Variants in NINL observed in about 807,000 individuals in gnomAD.
NINL encodes the protein ninein-like protein.
NINL carries 153 observed loss-of-function variants against 160.3 expected under a neutral mutation model. The observed-to-expected ratio is 0.95, with a 90% CI of 0.84 to 1.09. The LOEUF (loss-of-function observed/expected upper bound fraction) is 1.09, where lower values mean the gene tolerates loss of function less well. Ranked by LOEUF, NINL falls within the 50% of genes least tolerant of loss-of-function variation. The pLI, the probability that NINL is intolerant of heterozygous loss-of-function variation, is 0.00. For synonymous variants in NINL, 800 were observed against 734.8 expected (o/e 1.09, Z -1.43); for missense variants, 1,829 against 1,764.0 (o/e 1.04, Z -0.66).
chr20:25,478,910 A>C lies in NINL; in HGVS notation c.2201+13T>G. ...AACCCCAGACTTGAAATCTCAAAAG[A>C]AGCTGGCTGGACCTGATCTGCTGCA... is the stretch of plus-strand genomic sequence containing the variant. On this transcript the variant is annotated intron_variant, in intron 16 of 23. Transcript: ENST00000278886. The C allele has an allele frequency of 6.7e-7, 1 of 1,495,688 alleles. No individual in the cohort carries two copies. The highest frequency in any genetic ancestry group is 8.9e-7 in the Non-Finnish European group (1 of 1,126,686). The allele number at this position is 1,495,688 out of a possible 1,614,324, so 92.7% of individuals were successfully genotyped here. A position where few individuals can be genotyped will look rare whatever the true frequency, so the allele number is the denominator to read the frequency against.
intron 10 of NINL, among the ~76,000 whole-genome samples, chr20:25,492,583 C>G (rs2063664084): frequency 6.6e-6 from 1 of 152,062 alleles, no homozygotes; most frequent in Admixed American, 6.6e-5. Flanking sequence ...TCCCGAGTAG[C>G]TGGGACTACA....
At chr20:25,515,741 T>A (rs183075977) in intron 3 of NINL, among the ~76,000 whole-genome samples, 3 of 151,822 alleles carry the variant, frequency 2.0e-5, no homozygotes, top group Admixed American at 1.3e-4. Context: ...TCTCATGAGA[T>A]CTGGTTATTT....
chr20:25,460,933 T>C (rs2062769972), intron 21 of NINL, among the ~76,000 whole-genome samples: 1 of 152,156 alleles, frequency 6.6e-6, no homozygotes, highest in African/African-American at 2.4e-5. Context: ...GTTACACACC[T>C]GCTCTTCTCC....
At chr20:25,570,614 T>C (rs570992085) in intron 1 of NINL, among the ~76,000 whole-genome samples, 1 of 151,730 alleles carries the variant, frequency 6.6e-6, no homozygotes, top group African/African-American at 2.4e-5. Context: ...TATTTCTTTA[T>C]AGCAGTGCGA....
rs558688280 is a variant in NINL, at chr20:25,491,239, A to C, written c.1485+112T>G. 761 of 1,320,750 alleles carry C rather than the reference A, an allele frequency of 5.8e-4. 2 individuals are homozygous for C. Among genetic ancestry groups the C allele is most frequent in the Non-Finnish European group, 7.4e-4 (718 of 971,920 alleles). 81.8% of individuals were successfully genotyped at this position (1,320,750 alleles called of 1,614,324 possible). A position where few individuals can be genotyped will look rare whatever the true frequency, so the allele number is the denominator to read the frequency against. ...TCCCTCGGGCCCTGCCCTGAAACAT[A>C]AGCTTGAGGGCACTGGCAGGTGTGG... On this transcript the variant is annotated intron_variant, in intron 11 of 23. Transcript: ENST00000278886.
rs912846960 is a variant in NINL, at chr20:25,559,808, T to G, written c.-12+25647A>C. On this transcript the variant is annotated intron_variant, in intron 1 of 23. Transcript: ENST00000278886. ...TTTTTGTAAAGATGGGATCTCACTG[T>G]GTTGCCCATGCTGGTCTCAAACTCC... Among the ~76,000 whole-genome samples the G allele has an allele frequency of 4.6e-5, 7 of 152,200 alleles. 1 individual carries two copies.
intron 2 of NINL, among the ~76,000 whole-genome samples, chr20:25,521,960 A>G (rs1285526939): frequency 6.6e-6 from 1 of 152,124 alleles, no homozygotes; most frequent in Non-Finnish European, 1.5e-5. Flanking sequence ...ACAAGATCTC[A>G]CTCAGGCTCA....
At position 25,480,254 on chromosome 20, in the gene NINL, C is replaced by G; in HGVS notation, c.1824G>C (p.Leu608=). Reference sequence around the variant, plus strand: ...CTATACTCACTGGAGCAGAATTACCCAGGAATGAAATGCCTGCAAACAAGA... The same window carrying G: ...CTATACTCACTGGAGCAGAATTACCGAGGAATGAAATGCCTGCAAACAAGA... ...PGLGPAGISF[L]GNSAPVSIET... Residue 608 remains leucine, a synonymous_variant, in exon 15 of 24, where the codon CTG becomes CTC. Coordinates refer to ENST00000278886, the MANE Select transcript of NINL (RefSeq NM_025176.6). The G allele has an allele frequency of 6.2e-7, 1 of 1,613,942 alleles. No homozygotes were observed. The highest frequency in any genetic ancestry group is 1.1e-5 in the South Asian group (1 of 91,076).
At chr20:25,453,717 C>A in intron 23 of NINL, 75 bp from the exon 24 acceptor site, 1 of 1,379,812 alleles carries the variant, frequency 7.2e-7, no homozygotes, top group East Asian at 2.4e-5. Context: ...TCTCTTTTAT[C>A]CTCCCAGGTT....
chr20:25,583,290 C>T (rs2065194232), intron 1 of NINL, among the ~76,000 whole-genome samples: 1 of 151,826 alleles, frequency 6.6e-6, no homozygotes. Context: ...AAAAAACAAC[C>T]CCATCAAAAA....
intron 23 of NINL, among the ~76,000 whole-genome samples, 157 bp downstream of exon 23, chr20:25,455,512 AAAAT>A (rs1457540090): frequency 1.3e-5 from 2 of 152,218 alleles, no homozygotes; most frequent in Non-Finnish European, 1.5e-5. Flanking sequence ...TTCCCGGAGG[AAAAT>A]AAATGAATGT....
At chr20:25,571,087 T>A (rs1259008877) in intron 1 of NINL, among the ~76,000 whole-genome samples, 1 of 152,084 alleles carries the variant, frequency 6.6e-6, no homozygotes, top group East Asian at 1.9e-4. Flanking sequence ...CCTTTCTCAC[T>A]CATTAATAAG....
chr20:25,569,186 C>T lies in NINL; in HGVS notation c.-12+16269G>A, dbSNP rs557375630. On this transcript the variant is annotated intron_variant, in intron 1 of 23. Coordinates refer to ENST00000278886, the MANE Select transcript of NINL (RefSeq NM_025176.6). ...GAGGTTGCAGTGAGCCAGGATAGCG[C>T]CACTACACTCCAGCCTGGGTGACAG... Among the ~76,000 whole-genome samples, 132 of 150,180 alleles carry T rather than the reference C, an allele frequency of 8.8e-4. 2 individuals are homozygous for T. The highest frequency in any genetic ancestry group is 3.4e-3 in the Middle Eastern group (1 of 292).
chr20:25,526,617 A>C lies in NINL; in HGVS notation c.-11-19T>G. On this transcript the variant is annotated intron_variant, in intron 1 of 23. Coordinates refer to ENST00000278886, the MANE Select transcript of NINL (RefSeq NM_025176.6). ...TAGCAGGCTGGCAGTGTGCAAGGGAAGAAGAAAACATCAGGACACTTTCCC... is the reference window on the plus strand; with the variant it reads ...TAGCAGGCTGGCAGTGTGCAAGGGACGAAGAAAACATCAGGACACTTTCCC... 1.9e-6 allele frequency: 3 copies of C among 1,603,390 alleles called. No individual in the cohort carries two copies. Among genetic ancestry groups the C allele is most frequent in the Non-Finnish European group, 2.6e-6 (3 of 1,171,678 alleles).
intron 1 of NINL, among the ~76,000 whole-genome samples, chr20:25,564,761 C>T (rs917599061): frequency 6.7e-6 from 1 of 148,718 alleles, no homozygotes; most frequent in African/African-American, 2.5e-5. Flanking sequence ...TCTGTTCTAA[C>T]ATGTAAAGAG....
intron 13 of NINL, among the ~76,000 whole-genome samples, chr20:25,484,045 A>G (rs2063455363): frequency 1.3e-5 from 2 of 152,198 alleles, no homozygotes; most frequent in African/African-American, 4.8e-5. Context: ...ATGAAGCCCA[A>G]AGTAGCCCTG....
chr20:25,469,308 C>A (rs1419022079), intron 18 of NINL, among the ~76,000 whole-genome samples: 1 of 144,262 alleles, frequency 6.9e-6, no homozygotes, highest in Non-Finnish European at 1.5e-5. Flanking sequence ...TGCCCTGTCC[C>A]CCGACTCTCA....
Position 25,479,002 on chromosome 20 carries a change from G to A in NINL, c.2122C>T (p.Gln708Ter), listed in dbSNP as rs758844377. The A allele has an allele frequency of 6.2e-7, 1 of 1,607,548 alleles. No homozygotes were observed. The highest frequency in any genetic ancestry group is 1.1e-5 in the South Asian group (1 of 91,010). ...GTGCAGCAGGGTGCCAGGCCCATCTGCTCAGGCTCGGGGCCGCGGGCTGTG... is the reference window on the plus strand; with the variant it reads ...GTGCAGCAGGGTGCCAGGCCCATCTACTCAGGCTCGGGGCCGCGGGCTGTG... The part of the protein sequence containing the change: ...QDTARGPEPE[Q>*]MGLAPCCTQA... The change falls in exon 16 of 24, where the codon CAG becomes TAG. Residue 708 changes from glutamine to a stop codon, truncating the protein, a stop_gained. Coordinates refer to ENST00000278886, the MANE Select transcript of NINL (RefSeq NM_025176.6). LOFTEE classifies it high-confidence loss of function.
At chr20:25,458,851 C>G (rs1177151602) in intron 21 of NINL, 1 of 323,958 alleles carries the variant, frequency 3.1e-6, no homozygotes, top group Middle Eastern at 8.0e-4. Flanking sequence ...GGGCCTGATT[C>G]TTTTCAAACA....
Sources: allele counts gnomAD v4.1 joint callset (sites outside exome capture counted in the v4.1 genomes callset), GRCh38; gene constraint gnomAD v4.1.1; transcripts MANE v1.5; gene names NCBI Gene and HGNC (gene_info 2026-07-23, HGNC 2026-07-21).